TMTC2: variants seen among roughly 807,000 people sequenced by gnomAD.
TMTC2 encodes transmembrane O-mannosyltransferase targeting cadherins 2.
TMTC2 carries 43 observed loss-of-function variants against 82.4 expected under a neutral mutation model. The observed-to-expected ratio is 0.52, with a 90% confidence interval of 0.41 to 0.67. The LOEUF (loss-of-function observed/expected upper bound fraction) is 0.67. Ranked by LOEUF, TMTC2 falls within the 30% of genes least tolerant of loss-of-function variation. The pLI is 0.00. For missense variants in TMTC2, 919 were observed against 1,012.4 expected, an observed-to-expected ratio of 0.91 and a Z score of 1.25; for synonymous variants, 408 against 381.9, an observed-to-expected ratio of 1.07 and a Z score of -0.80.
rs377474972 is a variant in TMTC2, at chr12:82,826,051, A to G, written c.84-30959A>G. 3.3e-5 allele frequency among the ~76,000 whole-genome samples: 5 copies of G among 152,388 alleles called. No individual in the cohort carries two copies. The East Asian group carries it at 7.7e-4, about 23-fold the overall frequency. ...ACAGCAGGTGATGCTAGACTTGGAT[A>G]AATTTATACATATCAAGCTGATTTC... On this transcript the variant is annotated intron_variant, in intron 1 of 11. Transcript: ENST00000321196.
chr12:82,916,220 A>G (rs1874991318), intron 3 of TMTC2, among the ~76,000 whole-genome samples: 1 of 152,184 alleles, frequency 6.6e-6, no homozygotes, highest in South Asian at 2.1e-4. Flanking sequence ...TCCATTAACT[A>G]CTTTTGACAG....
intron 2 of TMTC2, among the ~76,000 whole-genome samples, chr12:82,873,015 A>G (rs1872280669): frequency 6.6e-6 from 1 of 152,220 alleles, no homozygotes; most frequent in Admixed American, 6.5e-5. Context: ...AAATTGCCTC[A>G]TGTCAGTTCA....
chr12:82,806,328 G>T (rs1279247785), intron 1 of TMTC2, among the ~76,000 whole-genome samples: 3 of 152,120 alleles, frequency 2.0e-5, no homozygotes, highest in Non-Finnish European at 4.4e-5. Context: ...GTAGTAAGGA[G>T]TTATGACTGA....
chr12:82,756,233 T>A (rs910976964), intron 1 of TMTC2, among the ~76,000 whole-genome samples: 5 of 152,208 alleles, frequency 3.3e-5, no homozygotes, highest in East Asian at 3.8e-4. Flanking sequence ...AAAATTATTT[T>A]AAAAAATCCT....
intron 4 of TMTC2, among the ~76,000 whole-genome samples, chr12:82,946,720 GA>G (rs1458920641): frequency 6.6e-6 from 1 of 150,746 alleles, no homozygotes; most frequent in Non-Finnish European, 1.5e-5. Context: ...ATCAGACTCA[GA>G]GAGTAGGCAT....
chr12:82,835,197 T>C (rs541303204), intron 1 of TMTC2, among the ~76,000 whole-genome samples: 10 of 152,324 alleles, frequency 6.6e-5, no homozygotes, highest in South Asian at 4.1e-4. Context: ...CTATTATCAC[T>C]ATTAGTCCTG....
At chr12:82,979,155 T>C (rs903112208) in intron 7 of TMTC2, among the ~76,000 whole-genome samples, 2 of 151,650 alleles carry the variant, frequency 1.3e-5, no homozygotes, top group Non-Finnish European at 3.0e-5. Context: ...AATGTTTTTA[T>C]TGGAGAATTT....
chr12:82,875,043 C>T (rs1396801477), intron 2 of TMTC2, among the ~76,000 whole-genome samples: 1 of 152,028 alleles, frequency 6.6e-6, no homozygotes, highest in African/African-American at 2.4e-5. Context: ...GCTGTGAGGG[C>T]CATATGGAGT....
intron 1 of TMTC2, among the ~76,000 whole-genome samples, chr12:82,742,519 T>G (rs115547671): frequency 0.018 from 2,683 of 150,438 alleles, 72 homozygotes; most frequent in African/African-American, 0.062. Context: ...ATCCTGTATA[T>G]TCTTTTTTTT....
At chr12:83,040,780 G>T (rs1428231090) in intron 9 of TMTC2, among the ~76,000 whole-genome samples, 1 of 151,676 alleles carries the variant, frequency 6.6e-6, no homozygotes, top group Non-Finnish European at 1.5e-5. Flanking sequence ...TGCCTCCCGG[G>T]TTCATGCCAT....
intron 1 of TMTC2, among the ~76,000 whole-genome samples, chr12:82,846,232 C>T (rs1290104202): frequency 1.3e-5 from 2 of 152,010 alleles, no homozygotes; most frequent in South Asian, 2.1e-4. Flanking sequence ...GTGGCGCACA[C>T]GTATAGTCCC....
At chr12:82,846,362 T>TA (rs1870680635) in intron 1 of TMTC2, among the ~76,000 whole-genome samples, 1 of 151,802 alleles carries the variant, frequency 6.6e-6, no homozygotes, top group African/African-American at 2.4e-5. Flanking sequence ...TGTCTTTTTT[T>TA]TAAAAAAAAC....
intron 8 of TMTC2, among the ~76,000 whole-genome samples, chr12:82,997,221 C>CTCTATATA (rs1451262969): frequency 5.1e-5 from 6 of 118,542 alleles, no homozygotes; most frequent in African/African-American, 2.2e-4. Context: ...CTCTCTCTCT[C>CTCTATATA]TATATATATA....
At chr12:83,095,569 G>GGATA (rs1565886439) in intron 11 of TMTC2, among the ~76,000 whole-genome samples, 3 of 152,104 alleles carry the variant, frequency 2.0e-5, no homozygotes, top group African/African-American at 7.2e-5. Context: ...ACTTTCAGAA[G>GGATA]GATAGAGTTG....
At chr12:82,712,432 A>T (rs1334568545) in intron 1 of TMTC2, among the ~76,000 whole-genome samples, 1 of 146,560 alleles carries the variant, frequency 6.8e-6, no homozygotes, top group African/African-American at 2.6e-5. Flanking sequence ...TCCGTCTCAA[A>T]AAAAAAAAAA....
At chr12:82,947,947 A>G (rs1877116311) in intron 4 of TMTC2, among the ~76,000 whole-genome samples, 2 of 152,130 alleles carry the variant, frequency 1.3e-5, no homozygotes, top group Non-Finnish European at 2.9e-5. Flanking sequence ...TCCTGCTTCC[A>G]TGACTGAAGC....
chr12:83,005,206 T>TAAAAAAA (rs59772281), intron 8 of TMTC2, among the ~76,000 whole-genome samples: 72 of 36,322 alleles, frequency 2.0e-3, no homozygotes, highest in African/African-American at 3.1e-3. Flanking sequence ...TTTGTCTTAT[T>TAAAAAAA]AAAAAAAAAA....
At chr12:83,070,108 T>C (rs1402469492) in intron 11 of TMTC2, among the ~76,000 whole-genome samples, 1 of 152,204 alleles carries the variant, frequency 6.6e-6, no homozygotes, top group Non-Finnish European at 1.5e-5. Flanking sequence ...TAGTTTGAAA[T>C]CAGGTAGTAT....
At chr12:83,116,223 C>T (rs558259927) in intron 11 of TMTC2, among the ~76,000 whole-genome samples, 1 of 152,134 alleles carries the variant, frequency 6.6e-6, no homozygotes, top group Non-Finnish European at 1.5e-5. Context: ...AGTCTCCAGT[C>T]TCATCTAGGT....
Sources: gnomAD v4.1 joint callset for allele counts (sites outside exome capture counted in the v4.1 genomes callset) on GRCh38, gnomAD v4.1.1 for gene constraint, MANE v1.5 for transcripts, NCBI Gene and HGNC (gene_info 2026-07-23, HGNC 2026-07-21) for gene names.